NDUFA9: variants seen among roughly 807,000 people sequenced by gnomAD.
NDUFA9 encodes the protein NADH:ubiquinone oxidoreductase subunit A9, also known as NADH dehydrogenase [ubiquinone] 1 alpha subcomplex subunit 9, mitochondrial.
In NDUFA9, 23 loss-of-function variants were observed where a neutral mutation model predicts 45.9. The ratio of observed to expected loss-of-function variants is 0.50; its 90% CI spans 0.36 to 0.71. The LOEUF (loss-of-function observed/expected upper bound fraction) is 0.71, where lower values mean the gene tolerates loss of function less well. Among genes scored for constraint, NDUFA9 ranks in the 30% least tolerant of loss-of-function variants. The pLI is 0.00. For synonymous variants in NDUFA9, 176 were observed against 170.5 expected (o/e 1.03, Z -0.25); for missense variants, 466 against 488.2 (o/e 0.95, Z 0.43).
chr12:4,664,967 T>C (rs1402251437), intron 6 of NDUFA9, among the ~76,000 whole-genome samples: 3 of 152,202 alleles, frequency 2.0e-5, no homozygotes, highest in Admixed American at 2.0e-4. Flanking sequence ...CGGCTGTATT[T>C]TGGAAGCACA....
rs1292232947 is a variant in NDUFA9 at position 4,688,870 on chromosome 12, A to G, written c.*1762A>G. 1 of 152,230 alleles carries G rather than the reference A, an allele frequency of 6.6e-6. No homozygotes were observed. Among genetic ancestry groups the G allele is most frequent in the Non-Finnish European group, 1.5e-5 (1 of 68,046 alleles). The allele number at this position is 152,230 out of a possible 1,614,324, so 9.4% of individuals were successfully genotyped here. A position where few individuals can be genotyped will look rare whatever the true frequency, so the allele number is the denominator to read the frequency against. ...CCCTCCTGGCCATAAGCCAGCCATT[A>G]GGCACAGAGATGGGTGGATTTAATT... On this transcript the variant is annotated 3_prime_UTR_variant, in exon 11 of 11. Transcript: ENST00000266544.
chr12:4,673,362 G>T (rs1019255022), intron 8 of NDUFA9, among the ~76,000 whole-genome samples: 2 of 152,220 alleles, frequency 1.3e-5, no homozygotes, highest in Non-Finnish European at 2.9e-5. Flanking sequence ...ACTGGATGGA[G>T]AATGAGTTTG....
At chr12:4,667,512 C>CTTTTT in intron 6 of NDUFA9, 3 of 156,916 alleles carry the variant, frequency 1.9e-5, no homozygotes, top group South Asian at 1.3e-4. Flanking sequence ...AATTTCTACT[C>CTTTTT]TTTTTTTTTT....
chr12:4,658,888 C>A, intron 4 of NDUFA9, 148 bp from the exon 5 acceptor site: 1 of 829,078 alleles, frequency 1.2e-6, no homozygotes, highest in Non-Finnish European at 1.8e-6. Flanking sequence ...CCACACCTGG[C>A]CAAATTTAGC....
intron 8 of NDUFA9, among the ~76,000 whole-genome samples, chr12:4,672,496 G>A (rs1228401381): frequency 1.3e-5 from 2 of 152,206 alleles, no homozygotes; most frequent in African/African-American, 4.8e-5. Flanking sequence ...TGAAATTCTC[G>A]CTCCTAGCTC....
At chr12:4,673,174 A>G (rs1431523985) in intron 8 of NDUFA9, among the ~76,000 whole-genome samples, 1 of 152,218 alleles carries the variant, frequency 6.6e-6, no homozygotes, top group Non-Finnish European at 1.5e-5. Flanking sequence ...TAGTATCAAC[A>G]TCAACAAAAA....
chr12:4,662,614 A>G lies in NDUFA9; in HGVS notation c.634A>G (p.Arg212Gly), dbSNP rs757468784. The change falls in exon 6 of 11, where the codon AGA (arginine) becomes GGA (glycine). Residue 212 changes from arginine to glycine, a missense_variant. Arg to Gly is a moderately radical substitution (Grantham distance 125). Transcript: ENST00000266544. ...KPSDIFGRED[R>G]FLNSFASMHR... ...GTCGGACATCTTTGGAAGAGAGGAT[A>G]GATTCCTTAATTCTTTTGCAAGTAC... is the stretch of plus-strand genomic sequence containing the variant. 6 of 1,613,510 alleles carry G rather than the reference A, an allele frequency of 3.7e-6. No individual in the cohort carries two copies. Among genetic ancestry groups the G allele is most frequent in the Admixed American group, 1.7e-5 (1 of 60,002 alleles).
intron 5 of NDUFA9, among the ~76,000 whole-genome samples, chr12:4,661,609 G>T (rs1259335797): frequency 6.6e-6 from 1 of 151,746 alleles, no homozygotes; most frequent in African/African-American, 2.4e-5. Flanking sequence ...ATATTGGCAA[G>T]AGAGTGATGA....
intron 6 of NDUFA9, among the ~76,000 whole-genome samples, chr12:4,666,467 A>G (rs1245365555): frequency 2.6e-5 from 4 of 152,182 alleles, no homozygotes; most frequent in Admixed American, 2.0e-4. Flanking sequence ...GCCAAGTCCA[A>G]TGCCATGAAG....
Position 4,687,176 on chromosome 12 carries a change from G to C in NDUFA9, c.*68G>C. On this transcript the variant is annotated 3_prime_UTR_variant, in exon 11 of 11. Coordinates refer to ENST00000266544, the MANE Select transcript of NDUFA9 (RefSeq NM_005002.5). ...CCCATGTGGTTTGAGCACCCAGCCA[G>C]GCGGTCTCTTTAGAGGATCCTGTAC... is the stretch of plus-strand genomic sequence containing the variant. 6.7e-7 allele frequency: 1 copy of C among 1,496,074 alleles called. No individual in the cohort carries two copies. The highest frequency in any genetic ancestry group is 2.4e-5 in the East Asian group (1 of 42,298). The allele number at this position is 1,496,074 out of a possible 1,614,324, so 92.7% of individuals were successfully genotyped here.
intron 8 of NDUFA9, among the ~76,000 whole-genome samples, chr12:4,678,185 T>C (rs1945931671): frequency 6.6e-6 from 1 of 152,050 alleles, no homozygotes; most frequent in African/African-American, 2.4e-5. Flanking sequence ...CTAATGTAGA[T>C]GGCAGGTTGA....
At chr12:4,654,087 G>A (rs539311539) in intron 1 of NDUFA9, among the ~76,000 whole-genome samples, 2 of 152,262 alleles carry the variant, frequency 1.3e-5, no homozygotes, top group South Asian at 2.1e-4. Flanking sequence ...AAGTTACATT[G>A]TATAGGGTAG....
At chr12:4,664,762 G>A (rs1945843559) in intron 6 of NDUFA9, among the ~76,000 whole-genome samples, 1 of 152,260 alleles carries the variant, frequency 6.6e-6, no homozygotes, top group South Asian at 2.1e-4. Flanking sequence ...AGAAGGCAAT[G>A]CATCTAGGCA....
intron 3 of NDUFA9, 53 bp downstream of exon 3, chr12:4,654,975 T>A: frequency 7.1e-7 from 1 of 1,417,386 alleles, no homozygotes; most frequent in Non-Finnish European, 9.9e-7. Flanking sequence ...ACTAAGGTCA[T>A]TTTTAGGAGT....
At chr12:4,667,777 T>G (rs1050475505) in intron 6 of NDUFA9, 1 of 152,230 alleles carries the variant, frequency 6.6e-6, no homozygotes, top group Non-Finnish European at 1.5e-5. Flanking sequence ...CCCAAAGTGC[T>G]GGGATTACAG....
Position 4,685,144 on chromosome 12 carries a change from A to G in NDUFA9, c.897-115A>G, listed in dbSNP as rs185994125. The G allele has an allele frequency of 4.5e-4, 418 of 929,964 alleles. 4 individuals carry two copies. The African/African-American group carries it at 6.0e-3, about 13-fold the overall frequency. 57.6% of individuals were successfully genotyped at this position (929,964 alleles called of 1,614,324 possible). On this transcript the variant is annotated intron_variant, in intron 9 of 10. Transcript: ENST00000266544. ...GAGGTGGTTATTTTCTTAAAAAAAAAAAATCAGTTCAGACTGCTCTACAGC... is the reference window on the plus strand; with the variant it reads ...GAGGTGGTTATTTTCTTAAAAAAAAGAAATCAGTTCAGACTGCTCTACAGC...
Position 4,659,115 on chromosome 12 carries a change from T to C in NDUFA9, c.490T>C (p.Phe164Leu). 1 of 1,611,780 alleles carries C rather than the reference T, an allele frequency of 6.2e-7. No homozygotes were observed. The highest frequency in any genetic ancestry group is 8.5e-7 in the Non-Finnish European group (1 of 1,177,928). ...QLSKEAGVEK[F>L]IHVSHLNANI... The stretch of plus-strand genomic sequence containing the variant: ...GTCCAAGGAAGCTGGAGTTGAAAAA[T>C]TCATTCATGTTTCACATCTGAATGC... The change falls in exon 5 of 11, where the codon TTC becomes CTC. Residue 164 changes from phenylalanine to leucine, a missense_variant. Transcript: ENST00000266544.
At chr12:4,675,394 A>C (rs1336592091) in intron 8 of NDUFA9, among the ~76,000 whole-genome samples, 1 of 151,798 alleles carries the variant, frequency 6.6e-6, no homozygotes, top group Non-Finnish European at 1.5e-5. Flanking sequence ...TTTTTTCAAC[A>C]ACATAGATAG....
intron 8 of NDUFA9, among the ~76,000 whole-genome samples, chr12:4,670,177 A>G (rs1448195993): frequency 6.6e-6 from 1 of 152,208 alleles, no homozygotes; most frequent in Non-Finnish European, 1.5e-5. Context: ...ATTAATTTTG[A>G]TGGAGTATCA....
Sources: allele counts gnomAD v4.1 joint callset (sites outside exome capture counted in the v4.1 genomes callset), GRCh38; gene constraint gnomAD v4.1.1; transcripts MANE v1.5; gene names NCBI Gene and HGNC (gene_info 2026-07-23, HGNC 2026-07-21).